PIEZO2: variants seen among roughly 807,000 people sequenced by gnomAD.
PIEZO2 encodes the protein piezo-type mechanosensitive ion channel component 2.
Under a neutral mutation model 337.3 loss-of-function variants are expected in PIEZO2, and 172 were observed. The ratio of observed to expected loss-of-function variants is 0.51; its 90% CI spans 0.45 to 0.58. PIEZO2 has a LOEUF of 0.58. Ranked by LOEUF, PIEZO2 falls within the 20% of genes least tolerant of loss-of-function variation. The probability of loss-of-function intolerance (pLI) is 0.00; values close to 1 mark genes in which losing one functional copy is unlikely to be tolerated. For synonymous variants in PIEZO2, 1,251 were observed against 1,228.5 expected (o/e 1.02, Z -0.38); for missense variants, 3,028 against 3,391.3 (o/e 0.89, Z 2.66).
chr18:10,754,807 G>A (rs2037772578), intron 27 of PIEZO2, among the ~76,000 whole-genome samples: 1 of 152,112 alleles, frequency 6.6e-6, no homozygotes, highest in South Asian at 2.1e-4. Context: ...ATGCTACCAA[G>A]AGGCACTTAA....
At chr18:10,774,150 G>A (rs2038704655) in intron 18 of PIEZO2, 112 bp from the exon 19 acceptor site, 1 of 672,240 alleles carries the variant, frequency 1.5e-6, no homozygotes, top group Non-Finnish European at 2.7e-6. Context: ...TTGCATTCCT[G>A]TATGCCTGTT....
At chr18:10,720,401 G>A (rs796964245) in intron 36 of PIEZO2, among the ~76,000 whole-genome samples, 102 of 6,958 alleles carry the variant, frequency 0.015, 1 homozygote, top group African/African-American at 0.029. Flanking sequence ...GTGTGTGTGT[G>A]TGTATGTGTA....
chr18:11,039,579 C>CAT (rs1359509155), intron 2 of PIEZO2, among the ~76,000 whole-genome samples: 12 of 152,006 alleles, frequency 7.9e-5, no homozygotes, highest in African/African-American at 2.9e-4. Flanking sequence ...ATATAACTAA[C>CAT]ATATATATAT....
intron 17 of PIEZO2, among the ~76,000 whole-genome samples, chr18:10,782,321 T>TATATATATAATTA (rs1568050873): frequency 3.2e-5 from 3 of 94,600 alleles, no homozygotes; most frequent in South Asian, 3.0e-4. Flanking sequence ...ATATAATATA[T>TATATATATAATTA]TATAATTATA....
chr18:10,823,267 T>A (rs576928208), intron 7 of PIEZO2, among the ~76,000 whole-genome samples: 11 of 152,334 alleles, frequency 7.2e-5, no homozygotes, highest in African/African-American at 2.4e-4. Context: ...TTCAGATTGT[T>A]TAATTTTGCA....
In PIEZO2 at chr18:10,714,840, C is replaced by G. The variant is rs779439901; in HGVS notation, c.5347G>C (p.Glu1783Gln). The stretch of plus-strand genomic sequence containing the variant: ...GCACCTGAAGCAGCTCCGGGATGCT[C>G]GTCAATGGTGTCCAGTCCCGACTCT... ...SRESGLDTID[E>Q]HPGAASGAQT... Residue 1783 changes from glutamate (E) to glutamine (Q), a missense_variant, in exon 39 of 56, where the codon GAG (glutamate) becomes CAG (glutamine). Around this residue, in one of 5 missense-constraint regions of PIEZO2, gnomAD observed 1,925 missense variants for 2,051.9 expected, o/e 0.94. Coordinates refer to ENST00000674853, the MANE Select transcript of PIEZO2 (RefSeq NM_001378183.1). 13 of 1,537,094 alleles carry G rather than the reference C, an allele frequency of 8.5e-6. 1 individual carries two copies. The South Asian group carries it at 1.4e-4, about 17-fold the overall frequency.
At chr18:11,059,186 C>A (rs1367890023) in intron 2 of PIEZO2, among the ~76,000 whole-genome samples, 1 of 152,020 alleles carries the variant, frequency 6.6e-6, no homozygotes. Flanking sequence ...AAATAAAATA[C>A]TTTACAGACA....
intron 2 of PIEZO2, among the ~76,000 whole-genome samples, chr18:11,006,799 T>A (rs969900040): frequency 6.6e-6 from 1 of 152,184 alleles, no homozygotes; most frequent in Non-Finnish European, 1.5e-5. Flanking sequence ...CTATGAAGTA[T>A]GTTCTTAGTA....
In PIEZO2 at chr18:10,859,006, G is replaced by A. The variant is rs1390878460; in HGVS notation, c.493-1795C>T. Among the ~76,000 whole-genome samples the A allele has an allele frequency of 2.0e-5, 3 of 152,138 alleles. No homozygotes were observed. Among genetic ancestry groups the A allele is most frequent in the African/African-American group, 2.4e-5 (1 of 41,424 alleles). On this transcript the variant is annotated intron_variant, in intron 5 of 55. Transcript: ENST00000674853. This position sits in a 1 kb window ranked among gnomAD's most constrained non-coding sequence, Gnocchi z 4.9. Reference sequence around the variant, plus strand: ...TAGGAAGAGATATAGCAATAAACACGTAAACAAGTAAAATATTAACCAGCT... The same window carrying A: ...TAGGAAGAGATATAGCAATAAACACATAAACAAGTAAAATATTAACCAGCT...
chr18:11,081,476 ATG>A (rs1327277436), intron 1 of PIEZO2, among the ~76,000 whole-genome samples: 1 of 152,196 alleles, frequency 6.6e-6, no homozygotes, highest in African/African-American at 2.4e-5. Context: ...GAACTAAACC[ATG>A]TATAATTTTT....
chr18:10,919,146 A>G (rs1322494222), intron 3 of PIEZO2, among the ~76,000 whole-genome samples: 1 of 151,962 alleles, frequency 6.6e-6, no homozygotes, highest in Non-Finnish European at 1.5e-5. Flanking sequence ...AATAAAATAA[A>G]TTTTCTTAGG....
At chr18:11,100,864 G>T (rs909000269) in intron 1 of PIEZO2, among the ~76,000 whole-genome samples, 1 of 152,100 alleles carries the variant, frequency 6.6e-6, no homozygotes, top group South Asian at 2.1e-4. Flanking sequence ...CAAAGTGCTG[G>T]GATTACAGGC....
intron 1 of PIEZO2, among the ~76,000 whole-genome samples, chr18:11,088,895 T>C (rs924572821): frequency 6.6e-6 from 1 of 152,200 alleles, no homozygotes; most frequent in African/African-American, 2.4e-5. Context: ...CCACAGTGAC[T>C]GAGACTGGGG....
Position 10,696,523 on chromosome 18 carries a change from C to A in PIEZO2, c.6844G>T (p.Val2282Leu). 6.2e-7 allele frequency: 1 copy of A among 1,613,560 alleles called. No homozygotes were observed. Among genetic ancestry groups the A allele is most frequent in the East Asian group, 2.2e-5 (1 of 44,884 alleles). ...FTIKKTLEIY[V>L]PIKQFFYNLI... Reference sequence around the variant, plus strand: ...TTGTAAAAGAACTGTTTGATGGGCACATAGATCTCCAGCGTCCTGCAAAAT... The same window carrying A: ...TTGTAAAAGAACTGTTTGATGGGCAAATAGATCTCCAGCGTCCTGCAAAAT... Residue 2282 changes from valine (V) to leucine (L), a missense_variant, in exon 46 of 56, where the codon GTG (valine) becomes TTG (leucine). Coordinates refer to ENST00000674853, the MANE Select transcript of PIEZO2 (RefSeq NM_001378183.1).
At chr18:11,142,370 G>GTAC (rs2040678057) in intron 1 of PIEZO2, among the ~76,000 whole-genome samples, 1 of 152,174 alleles carries the variant, frequency 6.6e-6, no homozygotes, top group African/African-American at 2.4e-5. Context: ...GGCTTTTCAC[G>GTAC]ATGTTGAGTA....
At position 11,129,147 on chromosome 18, in the gene PIEZO2, C is replaced by A. The variant is rs1014093228; in HGVS notation, c.64+19378G>T. Among the ~76,000 whole-genome samples the A allele has an allele frequency of 1.3e-5, 2 of 152,132 alleles. No individual in the cohort carries two copies. Among genetic ancestry groups the A allele is most frequent in the Non-Finnish European group, 2.9e-5 (2 of 68,024 alleles). Reference sequence around the variant, plus strand: ...GGTGGAGTGGATTAGTCACTTTAGACCTACGCATCCCAGCTGAGAGGGTCC... The same window carrying A: ...GGTGGAGTGGATTAGTCACTTTAGAACTACGCATCCCAGCTGAGAGGGTCC... On this transcript the variant is annotated intron_variant, in intron 1 of 55. Transcript: ENST00000674853. This position sits in a 1 kb window ranked among gnomAD's most constrained non-coding sequence, Gnocchi z 4.6.
Position 10,762,517 on chromosome 18 carries a change from G to C in PIEZO2, c.3232C>G (p.Leu1078Val). The change falls in exon 23 of 56, where the codon CTG becomes GTG. Residue 1078 changes from leucine (L) to valine (V), a missense_variant. Coordinates refer to ENST00000674853, the MANE Select transcript of PIEZO2 (RefSeq NM_001378183.1). The part of the protein sequence containing the change: ...EWVGLRKSSP[L>V]LVYLRNNLLM... Reference sequence around the variant, plus strand: ...GCCATTACCCTCAGGTAGACTAGCAGAGGCGAAGACTTCCGCAGGCCGACC... The same window carrying C: ...GCCATTACCCTCAGGTAGACTAGCACAGGCGAAGACTTCCGCAGGCCGACC... 6.5e-7 allele frequency: 1 copy of C among 1,537,308 alleles called. No individual in the cohort carries two copies. Among genetic ancestry groups the C allele is most frequent in the Non-Finnish European group, 8.7e-7 (1 of 1,146,924 alleles).
rs1368023375 is a variant in PIEZO2 at position 10,967,011 on chromosome 18, G to GTTT, written c.286+12521_286+12523dup. ...TGTGTATATATACCACATTTTCTCT[G>GTTT]TTTTTTGTTTTTTTTTTTTTTTTTG... is the stretch of plus-strand genomic sequence containing the variant. On this transcript the variant is annotated intron_variant, in intron 3 of 55. Transcript: ENST00000674853. Among the ~76,000 whole-genome samples the GTTT allele has an allele frequency of 4.8e-3, 524 of 109,294 alleles. 22 individuals carry two copies. Among genetic ancestry groups the GTTT allele is most frequent in the Middle Eastern group, 0.018 (3 of 164 alleles). 71.7% of individuals were successfully genotyped at this position (109,294 alleles called of 152,430 possible).
intron 8 of PIEZO2, among the ~76,000 whole-genome samples, chr18:10,806,609 G>T (rs1248437341): frequency 6.6e-6 from 1 of 152,164 alleles, no homozygotes; most frequent in East Asian, 1.9e-4. Context: ...CGCTGGAGGA[G>T]ATTTGGGAAA....
Sources: gnomAD v4.1 joint callset for allele counts (sites outside exome capture counted in the v4.1 genomes callset) on GRCh38, gnomAD v4.1.1 for gene constraint, gnomAD v4.1.1 regional missense constraint, Gnocchi (gnomAD v3.1) non-coding constraint, MANE v1.5 for transcripts, NCBI Gene and HGNC (gene_info 2026-07-23, HGNC 2026-07-21) for gene names.